The following DST variants were observed in gnomAD, a reference collection of about 807,000 sequenced individuals.
DST encodes the protein bullous pemphigoid antigen.
In DST, 253 loss-of-function variants were observed where a neutral mutation model predicts 875.2. The observed-to-expected ratio is 0.29, with a 90% CI of 0.26 to 0.32. The LOEUF is 0.32. Among genes scored for constraint, DST ranks in the 10% least tolerant of loss-of-function variants. DST has a pLI of 1.00. For synonymous variants in DST, 3,124 were observed against 3,197.1 expected, an observed-to-expected ratio of 0.98 and a Z score of 0.77; for missense variants, 8,287 against 9,111.6, an observed-to-expected ratio of 0.91 and a Z score of 3.68.
intron 84 of DST, 117 bp from the exon 85 acceptor site, chr6:56,492,550 T>C: frequency 9.5e-7 from 1 of 1,048,334 alleles, no homozygotes; most frequent in South Asian, 1.5e-5. Flanking sequence ...GCTTTCGAAA[T>C]ACCAAATGCA....
At chr6:56,835,567 A>C (rs2099792645) in intron 4 of DST, among the ~76,000 whole-genome samples, 2 of 152,216 alleles carry the variant, frequency 1.3e-5, no homozygotes, top group Admixed American at 6.5e-5. Flanking sequence ...GAGCCACAGT[A>C]CTTGAGTTCT....
intron 82 of DST, among the ~76,000 whole-genome samples, chr6:56,495,749 A>G (rs1301218993): frequency 1.3e-5 from 2 of 152,126 alleles, no homozygotes; most frequent in East Asian, 1.9e-4. Flanking sequence ...AACCACATAC[A>G]TAACTTTCTA....
intron 4 of DST, among the ~76,000 whole-genome samples, chr6:56,750,277 C>A (rs1210818464): frequency 6.6e-6 from 1 of 151,970 alleles, no homozygotes; most frequent in East Asian, 1.9e-4. Flanking sequence ...GAGAATATCA[C>A]CTTGGGTTGA....
chr6:56,952,127 G>A (rs902086266), intron 2 of DST, among the ~76,000 whole-genome samples: 2 of 152,158 alleles, frequency 1.3e-5, no homozygotes, highest in Non-Finnish European at 2.9e-5. Context: ...ACCACACAAA[G>A]ATGTCAAACT....
chr6:56,495,726 C>T (rs889364022), intron 82 of DST, among the ~76,000 whole-genome samples: 1 of 151,908 alleles, frequency 6.6e-6, no homozygotes. Context: ...AAACCAATAA[C>T]GACAACAACA....
At chr6:56,567,899 T>A (rs372923651) in intron 55 of DST, among the ~76,000 whole-genome samples, 1 of 152,222 alleles carries the variant, frequency 6.6e-6, no homozygotes, top group African/African-American at 2.4e-5. Flanking sequence ...TATTTACACA[T>A]GAATCTCCCA....
At chr6:56,496,164 C>T (rs1017114041) in intron 82 of DST, among the ~76,000 whole-genome samples, 1 of 152,142 alleles carries the variant, frequency 6.6e-6, no homozygotes, top group African/African-American at 2.4e-5. Flanking sequence ...ATCTGAAACA[C>T]TGTTTCCTCT....
intron 88 of DST, chr6:56,484,026 T>C (rs1450807787): frequency 6.6e-6 from 1 of 152,242 alleles, no homozygotes; most frequent in East Asian, 1.9e-4. Flanking sequence ...CATTTTTACA[T>C]ACTTGAACTT....
intron 3 of DST, among the ~76,000 whole-genome samples, chr6:56,875,036 T>G (rs1321382456): frequency 1.3e-5 from 2 of 152,260 alleles, no homozygotes; most frequent in Admixed American, 1.3e-4. Context: ...CAGGCTGAAG[T>G]GCAGTGGCGC....
intron 4 of DST, among the ~76,000 whole-genome samples, chr6:56,841,673 ATTT>A (rs1404719371): frequency 6.6e-6 from 1 of 152,290 alleles, no homozygotes; most frequent in East Asian, 1.9e-4. Flanking sequence ...GAACTTTCAG[ATTT>A]TTTTATTTCT....
At chr6:56,516,224 A>G (rs950541153) in intron 71 of DST, among the ~76,000 whole-genome samples, 8 of 152,090 alleles carry the variant, frequency 5.3e-5, no homozygotes, top group Admixed American at 6.6e-5. Flanking sequence ...GAATCAAAGC[A>G]GAACATTTGC....
chr6:56,563,429 G>C (rs76610011), intron 55 of DST, among the ~76,000 whole-genome samples: 11 of 152,012 alleles, frequency 7.2e-5, no homozygotes, highest in Admixed American at 7.2e-4. Context: ...CTTTTTGATG[G>C]GGTTGTTTTT....
rs2095527003 is a variant in DST, at chr6:56,485,361, G to A, written c.21158C>T (p.Pro7053Leu). Reference protein sequence around the residue: ...RVEPQLAEDQPVHGDIDLVMN... With the variant: ...RVEPQLAEDQLVHGDIDLVMN... Reference sequence around the variant, plus strand: ...CACCAAATCAATGTCTCCATGAACAGGCTGGTCTTCTGCCAGCTGGGGTTC... The same window carrying A: ...CACCAAATCAATGTCTCCATGAACAAGCTGGTCTTCTGCCAGCTGGGGTTC... Residue 7053 changes from proline to leucine, a missense_variant, in exon 88 of 104, where the codon CCT (proline) becomes CTT (leucine). Physicochemically the swap from Pro to Leu is moderately conservative, Grantham distance 98 (BLOSUM62 -3). Coordinates refer to ENST00000680361, the MANE Select transcript of DST (RefSeq NM_001374736.1). The A allele has an allele frequency of 1.2e-6, 2 of 1,613,732 alleles. No homozygotes were observed. Among genetic ancestry groups the A allele is most frequent in the African/African-American group, 1.3e-5 (1 of 74,930 alleles).
chr6:56,826,701 T>A (rs929557752), intron 4 of DST, among the ~76,000 whole-genome samples: 1 of 152,240 alleles, frequency 6.6e-6, no homozygotes, highest in Non-Finnish European at 1.5e-5. Context: ...AACATTTGAA[T>A]ATCAAAATTT....
chr6:56,538,025 C>T (rs4513778), intron 61 of DST, among the ~76,000 whole-genome samples: 1 of 152,150 alleles, frequency 6.6e-6, no homozygotes, highest in African/African-American at 2.4e-5. Context: ...CTCTGTCACC[C>T]ATGCTGGAGG....
chr6:56,709,199 A>T (rs1192350561), intron 5 of DST, among the ~76,000 whole-genome samples: 3 of 152,208 alleles, frequency 2.0e-5, no homozygotes, highest in African/African-American at 7.2e-5. Context: ...GTTTACCTCT[A>T]GGGGGCACTA....
At chr6:56,546,389 T>TATAA (rs1491334750) in intron 61 of DST, among the ~76,000 whole-genome samples, 15 of 104,264 alleles carry the variant, frequency 1.4e-4, no homozygotes, top group South Asian at 6.2e-4. Context: ...TATATATATA[T>TATAA]AAATGTCAAA....
At position 56,654,586 on chromosome 6, in the gene DST, C is replaced by CTATATGTATATATATATATATATA. The variant is rs2098994079; in HGVS notation, c.1215-3343_1215-3342insTATATATATATATATATACATATA. On this transcript the variant is annotated intron_variant, in intron 10 of 103. Coordinates refer to ENST00000680361, the MANE Select transcript of DST (RefSeq NM_001374736.1). Reference sequence around the variant, plus strand: ...TCTTAAAAGAGCAATCTCCCCTAGGCTATATATATATATATATATCTCCAC... The same window carrying CTATATGTATATATATATATATATA: ...TCTTAAAAGAGCAATCTCCCCTAGGCTATATGTATATATATATATATATATATATATATATATATATATCTCCAC... Among the ~76,000 whole-genome samples the CTATATGTATATATATATATATATA allele has an allele frequency of 1.5e-5, 2 of 133,298 alleles. 1 individual carries two copies. The highest frequency in any genetic ancestry group is 6.9e-5 in the African/African-American group (2 of 28,988). 87.4% of individuals were successfully genotyped at this position (133,298 alleles called of 152,430 possible).
intron 48 of DST, 71 bp from the exon 49 acceptor site, chr6:56,592,429 G>C (rs2098294116): frequency 8.2e-7 from 1 of 1,224,744 alleles, no homozygotes; most frequent in South Asian, 1.4e-5. Context: ...ATAATCTTAG[G>C]ACCTATAAAA....
Sources: gnomAD v4.1 joint callset for allele counts (sites outside exome capture counted in the v4.1 genomes callset) on GRCh38, gnomAD v4.1.1 for gene constraint, MANE v1.5 for transcripts, NCBI Gene and HGNC (gene_info 2026-07-23, HGNC 2026-07-21) for gene names.